The following ABCA12 variants were observed in gnomAD, a reference collection of about 807,000 sequenced individuals.
ABCA12 encodes glucosylceramide transporter ABCA12.
Under a neutral mutation model 293.5 loss-of-function variants are expected in ABCA12, and 156 were observed. The observed-to-expected ratio is 0.53, with a 90% CI of 0.47 to 0.61. ABCA12 has a LOEUF of 0.61. Among genes scored for constraint, ABCA12 ranks in the 20% least tolerant of loss-of-function variants. ABCA12 has a pLI of 0.00. For missense variants in ABCA12, 2,797 were observed against 3,090.2 expected (o/e 0.91, Z 2.25); for synonymous variants, 1,063 against 1,108.0 (o/e 0.96, Z 0.81).
intron 22 of ABCA12, 83 bp downstream of exon 22, chr2:215,000,622 G>A (rs1559139289): frequency 1.3e-6 from 2 of 1,511,790 alleles, no homozygotes; most frequent in Admixed American, 1.7e-5. Context: ...TTCCTTTCAT[G>A]TAATACATCT....
intron 1 of ABCA12, among the ~76,000 whole-genome samples, chr2:215,127,813 A>G (rs1702959870): frequency 6.6e-6 from 1 of 152,104 alleles, no homozygotes; most frequent in African/African-American, 2.4e-5. Flanking sequence ...AATATGAGGT[A>G]CCATTGCATT....
intron 42 of ABCA12, 77 bp downstream of exon 42, chr2:214,956,586 T>G: frequency 3.9e-4 from 403 of 1,032,946 alleles, no homozygotes; most frequent in Non-Finnish European, 5.4e-4. Context: ...ATTTAGCTAA[T>G]GAGATTTAAG....
intron 42 of ABCA12, 54 bp downstream of exon 42, chr2:214,956,609 C>A: frequency 7.6e-7 from 1 of 1,308,878 alleles, no homozygotes; most frequent in South Asian, 1.2e-5. Flanking sequence ...CTATTTGTGT[C>A]TAGGGGCATT....
Position 215,070,380 on chromosome 2 carries a change from T to G in ABCA12, c.164-6161A>C, listed in dbSNP as rs1236969879. 2.0e-5 allele frequency among the ~76,000 whole-genome samples: 3 copies of G among 152,118 alleles called. No homozygotes were observed. The East Asian group carries it at 5.8e-4, about 29-fold the overall frequency. On this transcript the variant is annotated intron_variant, in intron 2 of 52. Transcript: ENST00000272895. ...ATTTTTTAAAAAATCGTTCATCTTT[T>G]TTTTAAATGTTTTTATTATTATTAT...
In ABCA12 at chr2:214,986,313, T is replaced by A. The variant is rs142961824; in HGVS notation, c.4163+229A>T. On this transcript the variant is annotated intron_variant, in intron 28 of 52. Transcript: ENST00000272895. ...CTAAGAGGTGCCAAGAATATTTATTTTTATTAGAAACTCCCTATTTTACAA... is the reference window on the plus strand; with the variant it reads ...CTAAGAGGTGCCAAGAATATTTATTATTATTAGAAACTCCCTATTTTACAA... 1.6e-4 allele frequency among the ~76,000 whole-genome samples: 24 copies of A among 152,300 alleles called. No individual in the cohort carries two copies. The East Asian group carries it at 4.2e-3, about 27-fold the overall frequency.
At chr2:215,018,202 C>G (rs1034054904) in intron 13 of ABCA12, 70 bp from the exon 14 acceptor site, 1 of 1,561,314 alleles carries the variant, frequency 6.4e-7, no homozygotes, top group Non-Finnish European at 8.7e-7. Context: ...GTATGACTAA[C>G]ATAGAGAAAC....
chr2:215,095,301 C>G (rs538328464), intron 2 of ABCA12, among the ~76,000 whole-genome samples: 3 of 152,336 alleles, frequency 2.0e-5, no homozygotes, highest in African/African-American at 4.8e-5. Context: ...TGGGCACTCT[C>G]TAATTGGATG....
intron 2 of ABCA12, among the ~76,000 whole-genome samples, chr2:215,071,460 A>G (rs184130810): frequency 6.6e-6 from 1 of 152,166 alleles, no homozygotes; most frequent in African/African-American, 2.4e-5. Context: ...TGGATCTAGA[A>G]CTATATGATA....
chr2:215,010,720 A>C (rs1407620648), intron 17 of ABCA12, among the ~76,000 whole-genome samples: 1 of 152,202 alleles, frequency 6.6e-6, no homozygotes, highest in African/African-American at 2.4e-5. Context: ...GAGGAAATAG[A>C]AAACGTGAAA....
chr2:215,122,938 C>T (rs554656446), intron 1 of ABCA12, among the ~76,000 whole-genome samples: 59 of 152,154 alleles, frequency 3.9e-4, no homozygotes, highest in African/African-American at 1.4e-3. Context: ...ACCCATCATC[C>T]CTTCCCTACT....
chr2:214,941,203 G>A (rs1698390110), intron 50 of ABCA12, among the ~76,000 whole-genome samples: 1 of 152,040 alleles, frequency 6.6e-6, no homozygotes, highest in Admixed American at 6.6e-5. Context: ...ATTTATTTTT[G>A]CCTTAATTTC....
Position 215,017,989 on chromosome 2 carries a change from C to G in ABCA12, c.1782+19G>C. ...AATTTCTAAGAACTGCATGTAAGTA[C>G]AAACACATGACACCCCACCTCAGCT... On this transcript the variant is annotated intron_variant, in intron 14 of 52. Coordinates refer to ENST00000272895, the MANE Select transcript of ABCA12 (RefSeq NM_173076.3). 6.2e-7 allele frequency: 1 copy of G among 1,614,004 alleles called. No homozygotes were observed. Among genetic ancestry groups the G allele is most frequent in the Non-Finnish European group, 8.5e-7 (1 of 1,180,002 alleles).
intron 23 of ABCA12, among the ~76,000 whole-genome samples, chr2:214,993,587 G>C (rs1485414867): frequency 2.6e-5 from 4 of 152,110 alleles, no homozygotes; most frequent in Admixed American, 1.3e-4. Context: ...ATTAAGTGGG[G>C]AGTTATGGAA....
chr2:215,079,215 G>A (rs748905654), intron 2 of ABCA12, among the ~76,000 whole-genome samples: 2 of 152,180 alleles, frequency 1.3e-5, no homozygotes, highest in Admixed American at 6.5e-5. Context: ...ATATAGAAAA[G>A]GTGAAAGATG....
intron 14 of ABCA12, among the ~76,000 whole-genome samples, chr2:215,016,012 C>T (rs943574570): frequency 2.1e-4 from 32 of 151,664 alleles, no homozygotes; most frequent in African/African-American, 7.7e-4. Flanking sequence ...GGCGTGGTGG[C>T]GGGCGCCTGT....
intron 5 of ABCA12, among the ~76,000 whole-genome samples, chr2:215,051,811 T>C (rs1701326599): frequency 6.6e-6 from 1 of 152,056 alleles, no homozygotes. Flanking sequence ...AATATATTAA[T>C]CTGGCCAGAT....
chr2:214,963,913 G>A, intron 39 of ABCA12, among the ~76,000 whole-genome samples: 1 of 111,178 alleles, frequency 9.0e-6, no homozygotes, highest in East Asian at 2.7e-4. Context: ...GACAGAGTGA[G>A]ACTCTGCCTC....
At chr2:215,046,123 TC>T (rs775563575) in intron 6 of ABCA12, 108 bp from the exon 7 acceptor site, 11 of 1,118,332 alleles carry the variant, frequency 9.8e-6, no homozygotes, top group Non-Finnish European at 1.4e-5. Context: ...CATAAGCAAT[TC>T]TTTTAGACCT....
chr2:214,971,026 G>A (rs938099274), intron 36 of ABCA12, among the ~76,000 whole-genome samples: 4 of 152,044 alleles, frequency 2.6e-5, no homozygotes, highest in Non-Finnish European at 5.9e-5. Flanking sequence ...ACTTTCCCTT[G>A]TGGGTACTTA....
Sources: gnomAD v4.1 joint callset for allele counts (sites outside exome capture counted in the v4.1 genomes callset) on GRCh38, gnomAD v4.1.1 for gene constraint, MANE v1.5 for transcripts, NCBI Gene and HGNC (gene_info 2026-07-23, HGNC 2026-07-21) for gene names.